TMPRSS15: variants seen among roughly 807,000 people sequenced by gnomAD.
TMPRSS15 encodes transmembrane serine protease 15, also known as enteropeptidase.
Under a neutral mutation model 125.3 loss-of-function variants are expected in TMPRSS15, and 128 were observed. The ratio of observed to expected loss-of-function variants is 1.02; its 90% confidence interval spans 0.89 to 1.18. The LOEUF is 1.18. TMPRSS15 is among the 50% of genes most tolerant of loss of function. The pLI, the probability that TMPRSS15 is intolerant of heterozygous loss-of-function variation, is 0.00. For synonymous variants in TMPRSS15, 446 were observed against 423.2 expected, an observed-to-expected ratio of 1.05 and a Z score of -0.66; for missense variants, 1,283 against 1,212.7, an observed-to-expected ratio of 1.06 and a Z score of -0.86.
intron 6 of TMPRSS15, among the ~76,000 whole-genome samples, chr21:18,367,544 TCA>T (rs1020784099): frequency 6.6e-6 from 1 of 152,132 alleles, no homozygotes; most frequent in Admixed American, 6.5e-5. Flanking sequence ...AGCTTTTAAA[TCA>T]CAGTTTGTCG....
chr21:18,472,455 T>TTATATATATATATATATATA (rs34604020), intron 1 of TMPRSS15, among the ~76,000 whole-genome samples: 26 of 143,164 alleles, frequency 1.8e-4, no homozygotes, highest in Admixed American at 4.2e-4. Flanking sequence ...GCTAAAAGAA[T>TTATATATATATATATATATA]TATATATATA....
At chr21:18,423,703 AC>A (rs5842691) in intron 1 of TMPRSS15, among the ~76,000 whole-genome samples, 12,860 of 151,768 alleles carry the variant, frequency 0.085, 651 homozygotes, top group South Asian at 0.13. Flanking sequence ...GGCCTGAGCC[AC>A]CGCGCCCGGC....
chr21:18,463,194 G>T (rs2122910972), intron 1 of TMPRSS15, among the ~76,000 whole-genome samples: 23 of 115,266 alleles, frequency 2.0e-4, no homozygotes, highest in African/African-American at 7.2e-4. Flanking sequence ...GCAAAAACAC[G>T]CATAGGCTCA....
At chr21:18,441,459 C>T (rs924438973) in intron 1 of TMPRSS15, among the ~76,000 whole-genome samples, 2 of 149,504 alleles carry the variant, frequency 1.3e-5, no homozygotes, top group South Asian at 4.2e-4. Context: ...ACAGAAAATT[C>T]GCTGGGTGTG....
At chr21:18,327,635 C>T (rs373039313) in intron 15 of TMPRSS15, among the ~76,000 whole-genome samples, 21 of 152,278 alleles carry the variant, frequency 1.4e-4, no homozygotes, top group African/African-American at 3.4e-4. Context: ...TTAGTTGCAG[C>T]ATTCATGTGA....
chr21:18,315,077 C>T, intron 17 of TMPRSS15, 69 bp downstream of exon 17: 1 of 1,224,560 alleles, frequency 8.2e-7, no homozygotes, highest in Non-Finnish European at 1.2e-6. Context: ...TATAATCTTT[C>T]TTTGACACTG....
intron 22 of TMPRSS15, among the ~76,000 whole-genome samples, chr21:18,279,311 CTTTTTTTTTTTTTT>C (rs71189593): frequency 6.1e-4 from 25 of 41,122 alleles, no homozygotes; most frequent in Admixed American, 4.5e-3. Context: ...CCTCGTTACT[CTTTTTTTTTTTTTT>C]TTTTTTTTTT....
At chr21:18,356,224 G>A (rs962152551) in intron 8 of TMPRSS15, among the ~76,000 whole-genome samples, 2 of 151,796 alleles carry the variant, frequency 1.3e-5, no homozygotes, top group African/African-American at 4.8e-5. Flanking sequence ...TACAGATGTG[G>A]GGAATTTGGA....
At chr21:18,350,052 C>A (rs534206089) in intron 10 of TMPRSS15, among the ~76,000 whole-genome samples, 1 of 151,980 alleles carries the variant, frequency 6.6e-6, no homozygotes, top group African/African-American at 2.4e-5. Context: ...TCTAACTACT[C>A]TTGTCCAAGT....
At chr21:18,417,917 C>G (rs1322479192) in intron 1 of TMPRSS15, among the ~76,000 whole-genome samples, 1 of 152,034 alleles carries the variant, frequency 6.6e-6, no homozygotes, top group East Asian at 1.9e-4. Context: ...ACACATACAC[C>G]TACTTGGAAT....
intron 16 of TMPRSS15, 147 bp downstream of exon 16, chr21:18,326,285 G>A (rs1403830170): frequency 8.2e-7 from 1 of 1,223,344 alleles, no homozygotes; most frequent in African/African-American, 1.5e-5. Flanking sequence ...AGATGTAAAG[G>A]AGGAAAAATC....
chr21:18,269,808 T>A lies in TMPRSS15; in HGVS notation c.*161A>T, dbSNP rs1018456600. Reference sequence around the variant, plus strand: ...TTGCTATGGTGAATTTTATTATTTTTAAAATTTTGTTTCCCTGGCCCCCTA... The same window carrying A: ...TTGCTATGGTGAATTTTATTATTTTAAAAATTTTGTTTCCCTGGCCCCCTA... On this transcript the variant is annotated 3_prime_UTR_variant, in exon 25 of 25. Transcript: ENST00000284885. 16 of 737,022 alleles carry A rather than the reference T, an allele frequency of 2.2e-5. No homozygotes were observed. Among genetic ancestry groups the A allele is most frequent in the Non-Finnish European group, 3.5e-5 (16 of 456,576 alleles). The allele number at this position is 737,022 out of a possible 1,614,324, so 45.7% of individuals were successfully genotyped here.
intron 1 of TMPRSS15, among the ~76,000 whole-genome samples, chr21:18,414,316 CTT>C (rs955663916): frequency 1.3e-5 from 2 of 152,030 alleles, no homozygotes; most frequent in African/African-American, 4.8e-5. Flanking sequence ...CTCCCATTTT[CTT>C]TGTGTCCCTT....
chr21:18,426,838 A>AT (rs1484568986), intron 1 of TMPRSS15, among the ~76,000 whole-genome samples: 1 of 152,170 alleles, frequency 6.6e-6, no homozygotes, highest in Non-Finnish European at 1.5e-5. Flanking sequence ...CACATATTTC[A>AT]TTTCTTCCTA....
At chr21:18,392,934 A>G (rs1228802807) in intron 3 of TMPRSS15, among the ~76,000 whole-genome samples, 2 of 152,120 alleles carry the variant, frequency 1.3e-5, no homozygotes, top group East Asian at 1.9e-4. Flanking sequence ...CCCCATTCCA[A>G]TCACCTCCCA....
chr21:18,423,501 C>T (rs951735827), intron 1 of TMPRSS15, among the ~76,000 whole-genome samples: 6 of 151,596 alleles, frequency 4.0e-5, no homozygotes, highest in Admixed American at 2.0e-4. Context: ...CTCCGCCTCC[C>T]GGGTTCAGGC....
intron 21 of TMPRSS15, 130 bp downstream of exon 21, chr21:18,294,140 A>T (rs2074871677): frequency 2.8e-6 from 3 of 1,056,050 alleles, no homozygotes; most frequent in Non-Finnish European, 4.3e-6. Context: ...AATAATTGGA[A>T]TGTTTATAAT....
chr21:18,351,744 T>C (rs1342099509), intron 10 of TMPRSS15, among the ~76,000 whole-genome samples: 1 of 152,142 alleles, frequency 6.6e-6, no homozygotes, highest in Non-Finnish European at 1.5e-5. Context: ...ACATGCCCTA[T>C]TAATTCAAAG....
At chr21:18,476,217 T>G (rs1273170257) in intron 1 of TMPRSS15, among the ~76,000 whole-genome samples, 1 of 152,168 alleles carries the variant, frequency 6.6e-6, no homozygotes, top group Non-Finnish European at 1.5e-5. Context: ...CTTAGGGCTT[T>G]AGAATATCCT....
Sources: gnomAD v4.1 joint callset for allele counts (sites outside exome capture counted in the v4.1 genomes callset) on GRCh38, gnomAD v4.1.1 for gene constraint, MANE v1.5 for transcripts, NCBI Gene and HGNC (gene_info 2026-07-23, HGNC 2026-07-21) for gene names.